The following CEP162 variants were observed in gnomAD, a reference collection of about 807,000 sequenced individuals.
CEP162 encodes centrosomal protein of 162 kDa.
CEP162 carries 141 observed loss-of-function variants against 169.2 expected under a neutral mutation model. That is an observed-to-expected ratio of 0.83 (90% CI 0.73 to 0.96). The LOEUF (loss-of-function observed/expected upper bound fraction) is 0.96. Among genes scored for constraint, CEP162 ranks in the 40% least tolerant of loss-of-function variants. The probability of loss-of-function intolerance (pLI) is 0.00; values close to 1 mark genes in which losing one functional copy is unlikely to be tolerated. For synonymous variants in CEP162, 540 were observed against 526.4 expected (o/e 1.03, Z -0.35); for missense variants, 1,600 against 1,587.2 (o/e 1.01, Z -0.14).
In CEP162 at chr6:84,175,356, T is replaced by C; in HGVS notation, c.1664-9A>G. The C allele has an allele frequency of 1.3e-6, 2 of 1,526,310 alleles. No individual in the cohort carries two copies. The highest frequency in any genetic ancestry group is 1.8e-6 in the Non-Finnish European group (2 of 1,131,524). 94.5% of individuals were successfully genotyped at this position (1,526,310 alleles called of 1,614,324 possible). On this transcript the variant is annotated splice_polypyrimidine_tract_variant and intron_variant, in intron 13 of 26. Coordinates refer to ENST00000403245, the MANE Select transcript of CEP162 (RefSeq NM_014895.4). ...TGTTCCAGATAAGATTTCTAAATAT[T>C]ATAAACAATGTATAAATGCACCACA...
chr6:84,222,112 A>G (rs1180661197), intron 2 of CEP162, among the ~76,000 whole-genome samples: 1 of 151,942 alleles, frequency 6.6e-6, no homozygotes, highest in Non-Finnish European at 1.5e-5. Context: ...CTTTTACTCT[A>G]TCACATTTCC....
chr6:84,193,641 A>G lies in CEP162; in HGVS notation c.1077T>C (p.Phe359=). Residue 359 remains phenylalanine (F), a synonymous_variant, in exon 11 of 27, where the codon TTT becomes TTC. Transcript: ENST00000403245. ...GTTGTAAATCAAAACCACTGATCCC[A>G]AAGGAATCTATTCTGATAGGTTTCA... ...ELMKPIRIDS[F]GISGFDLQPV... 1 of 1,567,094 alleles carries G rather than the reference A, an allele frequency of 6.4e-7. No individual in the cohort carries two copies. Among genetic ancestry groups the G allele is most frequent in the Middle Eastern group, 1.7e-4 (1 of 5,998 alleles).
rs1216004422 is a variant in CEP162, at chr6:84,124,866, C to T, written c.*204G>A. ...TGTCCATAAATCACTTAAAATGAGACTGGTTAATGATTTTTAGTAAAATAC... is the reference window on the plus strand; with the variant it reads ...TGTCCATAAATCACTTAAAATGAGATTGGTTAATGATTTTTAGTAAAATAC... On this transcript the variant is annotated 3_prime_UTR_variant, in exon 27 of 27. Coordinates refer to ENST00000403245, the MANE Select transcript of CEP162 (RefSeq NM_014895.4). 1.8e-6 allele frequency: 1 copy of T among 565,856 alleles called. No individual in the cohort carries two copies. Among genetic ancestry groups the T allele is most frequent in the Non-Finnish European group, 3.0e-6 (1 of 328,154 alleles). 35.1% of individuals were successfully genotyped at this position (565,856 alleles called of 1,614,324 possible). A position where few individuals can be genotyped will look rare whatever the true frequency, so the allele number is the denominator to read the frequency against.
At chr6:84,227,387 C>G (rs2099556157) in intron 1 of CEP162, among the ~76,000 whole-genome samples, 193 bp downstream of exon 1, 1 of 152,174 alleles carries the variant, frequency 6.6e-6, no homozygotes, top group African/African-American at 2.4e-5. Context: ...AAAAGCTTCT[C>G]AAGCCTGGCT....
At position 84,139,663 on chromosome 6, in the gene CEP162, C is replaced by T. The variant is rs530180623; in HGVS notation, c.3870+7024G>A. ...AAACTCAGCTCTCCCAGATATCTGT[C>T]TATAGCAGTCAGTCAAGAAAGGAAG... On this transcript the variant is annotated intron_variant, in intron 25 of 26. Transcript: ENST00000403245. Among the ~76,000 whole-genome samples, 10 of 152,272 alleles carry T rather than the reference C, an allele frequency of 6.6e-5. No individual in the cohort carries two copies. In the South Asian group the frequency reaches 1.0e-3, roughly 16 times the overall value.
chr6:84,205,246 C>T (rs2099546360), intron 6 of CEP162, among the ~76,000 whole-genome samples: 1 of 152,154 alleles, frequency 6.6e-6, no homozygotes. Context: ...CATCCTGATA[C>T]CAAAGCCTGG....
chr6:84,129,691 A>G (rs1562909947), intron 25 of CEP162, among the ~76,000 whole-genome samples: 1 of 152,058 alleles, frequency 6.6e-6, no homozygotes, highest in Admixed American at 6.6e-5. Context: ...CCATTTGTCA[A>G]TTTTGGCTTT....
Position 84,145,023 on chromosome 6 carries a change from A to G in CEP162, c.3870+1664T>C, listed in dbSNP as rs546201405. ...TTATACTATCAAGGCTTTGATTGGAATGTCATATTTCAGAATGTGCATGGA... is the reference window on the plus strand; with the variant it reads ...TTATACTATCAAGGCTTTGATTGGAGTGTCATATTTCAGAATGTGCATGGA... On this transcript the variant is annotated intron_variant, in intron 25 of 26. Coordinates refer to ENST00000403245, the MANE Select transcript of CEP162 (RefSeq NM_014895.4). 3.3e-5 allele frequency among the ~76,000 whole-genome samples: 5 copies of G among 152,264 alleles called. No homozygotes were observed. In the South Asian group the frequency reaches 1.0e-3, roughly 32 times the overall value.
chr6:84,173,276 T>A (rs1233942540), intron 16 of CEP162, among the ~76,000 whole-genome samples: 1 of 152,096 alleles, frequency 6.6e-6, no homozygotes, highest in African/African-American at 2.4e-5. Context: ...TATATCCCAA[T>A]AAGGCCAAAA....
chr6:84,208,743 T>C (rs2099548295), intron 6 of CEP162, among the ~76,000 whole-genome samples: 1 of 152,254 alleles, frequency 6.6e-6, no homozygotes, highest in South Asian at 2.1e-4. Context: ...AAGTTCACTT[T>C]TGTTTCTCTT....
At chr6:84,199,588 G>T (rs2099543610) in intron 9 of CEP162, among the ~76,000 whole-genome samples, 1 of 149,316 alleles carries the variant, frequency 6.7e-6, no homozygotes, top group Admixed American at 6.7e-5. Flanking sequence ...TGAAATGCAA[G>T]CTGCTGACGG....
chr6:84,147,821 A>T (rs949847583), intron 24 of CEP162, among the ~76,000 whole-genome samples: 5 of 152,188 alleles, frequency 3.3e-5, no homozygotes, highest in Non-Finnish European at 7.4e-5. Flanking sequence ...TGTGAAATAA[A>T]TGTCAGTCTC....
intron 25 of CEP162, among the ~76,000 whole-genome samples, chr6:84,143,381 A>C (rs893535997): frequency 1.2e-4 from 19 of 152,030 alleles, no homozygotes; most frequent in African/African-American, 2.4e-5. Context: ...TAATGTTACT[A>C]AGGATTAAAA....
At chr6:84,205,836 A>C (rs1020789680) in intron 6 of CEP162, among the ~76,000 whole-genome samples, 17 of 150,860 alleles carry the variant, frequency 1.1e-4, no homozygotes, top group African/African-American at 3.7e-4. Context: ...GTCTCAGCCC[A>C]AAATCTCCTT....
intron 25 of CEP162, among the ~76,000 whole-genome samples, chr6:84,130,361 G>A (rs192698778): frequency 2.7e-4 from 41 of 152,284 alleles, no homozygotes; most frequent in African/African-American, 9.6e-4. Context: ...TCAGGATGAT[G>A]CTGGCCTCAT....
In CEP162 at chr6:84,124,891, C is replaced by T; in HGVS notation, c.*179G>A. Reference sequence around the variant, plus strand: ...CTGGTTAATGATTTTTAGTAAAATACACCATTATATGTTTTTTTTCTTATT... The same window carrying T: ...CTGGTTAATGATTTTTAGTAAAATATACCATTATATGTTTTTTTTCTTATT... On this transcript the variant is annotated 3_prime_UTR_variant, in exon 27 of 27. Coordinates refer to ENST00000403245, the MANE Select transcript of CEP162 (RefSeq NM_014895.4). 4.9e-6 allele frequency: 3 copies of T among 606,104 alleles called. No individual in the cohort carries two copies. The highest frequency in any genetic ancestry group is 6.8e-5 in the Admixed American group (2 of 29,558). 37.5% of individuals were successfully genotyped at this position (606,104 alleles called of 1,614,324 possible). A position where few individuals can be genotyped will look rare whatever the true frequency, so the allele number is the denominator to read the frequency against.
intron 11 of CEP162, among the ~76,000 whole-genome samples, chr6:84,187,775 C>T (rs1216432858): frequency 1.3e-5 from 2 of 152,090 alleles, no homozygotes; most frequent in Non-Finnish European, 2.9e-5. Context: ...AGACCACATG[C>T]CAGCCGACCA....
At chr6:84,165,923 A>C (rs1250968259) in intron 18 of CEP162, among the ~76,000 whole-genome samples, 1 of 152,198 alleles carries the variant, frequency 6.6e-6, no homozygotes, top group Non-Finnish European at 1.5e-5. Context: ...ATTGATCTAA[A>C]AGTTGCCGAA....
chr6:84,163,252 A>G lies in CEP162; in HGVS notation c.2404T>C (p.Leu802=). The change falls in exon 19 of 27, where the codon TTG becomes CTG. Residue 802 remains leucine (L), a synonymous_variant. Transcript: ENST00000403245. ...RMAQKEKDSL[L]EDIKRLKQDK... is the part of the protein sequence containing the mutation. ...TGTTTCAGTCTTTTGATGTCTTCCA[A>G]TAAACTGTCTTTTTCTTTCTTGATA... The G allele has an allele frequency of 2.5e-6, 4 of 1,607,760 alleles. No homozygotes were observed. Among genetic ancestry groups the G allele is most frequent in the South Asian group, 1.1e-5 (1 of 90,318 alleles).
Sources: allele counts gnomAD v4.1 joint callset (sites outside exome capture counted in the v4.1 genomes callset), GRCh38; gene constraint gnomAD v4.1.1; transcripts MANE v1.5; gene names NCBI Gene and HGNC (gene_info 2026-07-23, HGNC 2026-07-21).